PTPRD: variants seen among roughly 807,000 people sequenced by gnomAD.
PTPRD encodes the protein receptor-type tyrosine-protein phosphatase delta.
A neutral mutation model predicts 214.5 loss-of-function variants in PTPRD; 34 were observed. That is an observed-to-expected ratio of 0.16 (90% CI 0.12 to 0.21). The LOEUF (loss-of-function observed/expected upper bound fraction) is 0.21. Among genes scored for constraint, PTPRD ranks in the 10% least tolerant of loss-of-function variants. PTPRD has a pLI of 1.00. For synonymous variants in PTPRD, 1,128 were observed against 845.7 expected (o/e 1.33, Z -5.79); for missense variants, 2,545 against 2,398.7 (o/e 1.06, Z -1.27).
intron 4 of PTPRD, among the ~76,000 whole-genome samples, chr9:10,018,012 A>G (rs2096758902): frequency 6.6e-6 from 1 of 152,154 alleles, no homozygotes; most frequent in Admixed American, 6.5e-5. Context: ...TATTATTTTT[A>G]GTTTTAACAG....
At chr9:9,068,609 C>T (rs1332826197) in intron 10 of PTPRD, among the ~76,000 whole-genome samples, 2 of 151,726 alleles carry the variant, frequency 1.3e-5, no homozygotes, top group East Asian at 3.9e-4. Flanking sequence ...TGATGTTTTA[C>T]AAAAAATTTT....
intron 11 of PTPRD, among the ~76,000 whole-genome samples, chr9:9,011,570 G>C (rs1034807894): frequency 2.4e-4 from 37 of 152,108 alleles, no homozygotes; most frequent in African/African-American, 8.9e-4. Context: ...GCTATTCCCT[G>C]CCAGAGTAGC....
chr9:10,531,803 T>C (rs982380501), intron 2 of PTPRD, among the ~76,000 whole-genome samples: 1 of 152,184 alleles, frequency 6.6e-6, no homozygotes, highest in African/African-American at 2.4e-5. Flanking sequence ...CTGCAATAAT[T>C]TTCTGATGTA....
chr9:8,945,814 A>C (rs2099060703), intron 11 of PTPRD, among the ~76,000 whole-genome samples: 1 of 152,122 alleles, frequency 6.6e-6, no homozygotes, highest in East Asian at 1.9e-4. Flanking sequence ...CATCAGCTAA[A>C]CCAAATTCTA....
intron 34 of PTPRD, among the ~76,000 whole-genome samples, chr9:8,442,892 G>A (rs940780323): frequency 3.3e-5 from 5 of 152,150 alleles, no homozygotes; most frequent in African/African-American, 7.2e-5. Flanking sequence ...GGTAAGCAAT[G>A]AATGGCATAA....
At chr9:8,529,441 CCTT>C (rs1348893077) in intron 14 of PTPRD, among the ~76,000 whole-genome samples, 1 of 152,080 alleles carries the variant, frequency 6.6e-6, no homozygotes, top group Non-Finnish European at 1.5e-5. Context: ...AAAAGCAACT[CCTT>C]ATTAATGGCA....
intron 3 of PTPRD, among the ~76,000 whole-genome samples, chr9:10,263,571 G>C (rs1380950706): frequency 6.6e-6 from 1 of 152,150 alleles, no homozygotes; most frequent in Non-Finnish European, 1.5e-5. Context: ...TTTTGAACTT[G>C]AGAGAGATGA....
intron 9 of PTPRD, among the ~76,000 whole-genome samples, chr9:9,351,490 A>C (rs943569806): frequency 1.3e-5 from 2 of 152,002 alleles, no homozygotes; most frequent in Non-Finnish European, 2.9e-5. Context: ...AGGACACACT[A>C]TCTGAACTTC....
At chr9:8,449,335 C>T (rs2095850551) in intron 34 of PTPRD, among the ~76,000 whole-genome samples, 1 of 151,778 alleles carries the variant, frequency 6.6e-6, no homozygotes, top group Non-Finnish European at 1.5e-5. Flanking sequence ...CTATGCTTTC[C>T]CATGGGATGA....
At position 9,411,488 on chromosome 9, in the gene PTPRD, C is replaced by G. The variant is rs141391967; in HGVS notation, c.-236-14006G>C. Among the ~76,000 whole-genome samples, 24 of 152,256 alleles carry G rather than the reference C, an allele frequency of 1.6e-4. No individual in the cohort carries two copies. In the East Asian group the frequency reaches 4.4e-3, roughly 28 times the overall value. On this transcript the variant is annotated intron_variant, in intron 8 of 45. Transcript: ENST00000381196. ...TGTCTAAACAAAAGCAGCCAAATTA[C>G]TCTTTTACTCTAAAATATGGTTGGA...
intron 3 of PTPRD, among the ~76,000 whole-genome samples, chr9:10,037,257 C>G (rs2097201483): frequency 6.6e-6 from 1 of 152,048 alleles, no homozygotes. Context: ...AAATCATAAT[C>G]CTCAATGTTG....
intron 11 of PTPRD, among the ~76,000 whole-genome samples, chr9:8,773,056 A>T (rs2095303839): frequency 6.6e-6 from 1 of 152,108 alleles, no homozygotes; most frequent in Non-Finnish European, 1.5e-5. Flanking sequence ...AATGTACTCT[A>T]CTGAATGGCC....
chr9:10,497,602 T>C (rs2042449651), intron 2 of PTPRD, among the ~76,000 whole-genome samples: 3 of 152,062 alleles, frequency 2.0e-5, no homozygotes, highest in Admixed American at 2.0e-4. Flanking sequence ...TAATGTTTTA[T>C]GGTGCAAGGA....
intron 8 of PTPRD, among the ~76,000 whole-genome samples, chr9:9,504,927 T>C (rs1476827039): frequency 6.6e-6 from 1 of 151,636 alleles, no homozygotes; most frequent in Non-Finnish European, 1.5e-5. Context: ...TTAATAATGA[T>C]TGCAGTAGAG....
intron 2 of PTPRD, among the ~76,000 whole-genome samples, chr9:10,391,984 C>CTCAAATGGTCACCTGTTGGG (rs1565737806): frequency 2.0e-5 from 3 of 151,690 alleles, no homozygotes; most frequent in African/African-American, 7.3e-5. Flanking sequence ...CACCTGTTGG[C>CTCAAATGGTCACCTGTTGGG]AAAACCTTCC....
intron 9 of PTPRD, among the ~76,000 whole-genome samples, chr9:9,284,973 A>G (rs1462406746): frequency 6.6e-6 from 1 of 151,724 alleles, no homozygotes; most frequent in East Asian, 2.0e-4. Flanking sequence ...GCTAACATAG[A>G]ACAATATCTA....
At chr9:10,279,038 T>C (rs1457291013) in intron 3 of PTPRD, among the ~76,000 whole-genome samples, 2 of 152,188 alleles carry the variant, frequency 1.3e-5, no homozygotes, top group African/African-American at 4.8e-5. Context: ...CCTCCCAAAG[T>C]GCTGGGCTCA....
At chr9:9,978,237 G>C (rs2095425762) in intron 4 of PTPRD, among the ~76,000 whole-genome samples, 1 of 152,140 alleles carries the variant, frequency 6.6e-6, no homozygotes, top group African/African-American at 2.4e-5. Flanking sequence ...TAGATCACCT[G>C]AGTGTTAGAT....
rs145508425 is a variant in PTPRD, at chr9:9,686,363, C to T, written c.-287+48170G>A. ...TGTATTCTGTATATCATTTCAATTA[C>T]GCACTTCAACAAATATTTGCTGATC... On this transcript the variant is annotated intron_variant, in intron 7 of 45. Transcript: ENST00000381196. 8.2e-3 allele frequency among the ~76,000 whole-genome samples: 1,239 copies of T among 151,284 alleles called. 11 individuals are homozygous for T. The highest frequency in any genetic ancestry group is 0.028 in the African/African-American group (1,163 of 41,400).
Sources: allele counts gnomAD v4.1 joint callset (sites outside exome capture counted in the v4.1 genomes callset), GRCh38; gene constraint gnomAD v4.1.1; transcripts MANE v1.5; gene names NCBI Gene and HGNC (gene_info 2026-07-23, HGNC 2026-07-21).